FABP6: variants seen among roughly 807,000 people sequenced by gnomAD.
FABP6 encodes the protein gastrotropin.
FABP6 carries 13 observed loss-of-function variants against 14.9 expected under a neutral mutation model. The ratio of observed to expected loss-of-function variants is 0.87; its 90% CI spans 0.57 to 1.39. The LOEUF (loss-of-function observed/expected upper bound fraction) is 1.39, where lower values mean the gene tolerates loss of function less well. Ranked by LOEUF, FABP6 falls within the 40% of genes most tolerant of loss-of-function variation. FABP6 has a pLI of 0.00. For missense variants in FABP6, 161 were observed against 167.2 expected, an observed-to-expected ratio of 0.96 and a Z score of 0.20; for synonymous variants, 75 against 63.6, an observed-to-expected ratio of 1.18 and a Z score of -0.85.
chr5:160,209,697 G>T (rs1038447099), intron 2 of FABP6, among the ~76,000 whole-genome samples: 1 of 146,430 alleles, frequency 6.8e-6, no homozygotes, highest in Non-Finnish European at 1.6e-5. Context: ...ATAAATCATC[G>T]TCTTTTTTGT....
At chr5:160,232,348 G>C in intron 2 of FABP6, 75 bp downstream of exon 2, 1 of 1,414,690 alleles carries the variant, frequency 7.1e-7, no homozygotes, top group African/African-American at 1.4e-5. Flanking sequence ...TGGCCTCCCC[G>C]CTCCCGAGCT....
chr5:160,235,883 C>T (rs895555171), intron 3 of FABP6, among the ~76,000 whole-genome samples: 1 of 152,156 alleles, frequency 6.6e-6, no homozygotes, highest in Non-Finnish European at 1.5e-5. Flanking sequence ...ATGATTTACA[C>T]CACAGACACT....
intron 3 of FABP6, among the ~76,000 whole-genome samples, chr5:160,217,373 A>C (rs1760033976): frequency 1.3e-5 from 2 of 152,248 alleles, no homozygotes; most frequent in Admixed American, 1.3e-4. Flanking sequence ...GAAATCACCA[A>C]GGGAATGAGG....
At position 160,209,820 on chromosome 5, in the gene FABP6, G is replaced by T. The variant is rs1298777586; in HGVS notation, c.52-3916G>T. On this transcript the variant is annotated intron_variant, in intron 2 of 6. Coordinates refer to the FABP6 transcript ENST00000393980. ...CCAGCCTTGGCCTCTCAAAGTGCTG[G>T]GAGTACAGGCATGAGCCACTGCGTC... 3.3e-5 allele frequency among the ~76,000 whole-genome samples: 5 copies of T among 152,102 alleles called. No individual in the cohort carries two copies. The East Asian group carries it at 9.6e-4, about 29-fold the overall frequency.
intron 1 of FABP6, among the ~76,000 whole-genome samples, chr5:160,192,322 C>T (rs139152348): frequency 0.021 from 984 of 47,086 alleles, 10 homozygotes; most frequent in African/African-American, 0.082. Context: ...CCACTGTGCC[C>T]GGCCTCGCCA....
chr5:160,227,441 C>T (rs370601861), upstream of FABP6, among the ~76,000 whole-genome samples: 6 of 148,706 alleles, frequency 4.0e-5, no homozygotes, highest in South Asian at 2.1e-4. Context: ...GCAGGAGAAT[C>T]GCTTAAACCT....
intron 3 of FABP6, among the ~76,000 whole-genome samples, chr5:160,219,682 C>T (rs6868909): frequency 0.9 from 137,584 of 152,126 alleles, 62,318 homozygotes; most frequent in Non-Finnish European, 0.92. Context: ...AGAGTAGCAA[C>T]TAAGGAAAAA....
At chr5:160,199,603 ACTTCCTCTCTGTCTTGCCATTCCTGT>A (rs975078269) in intron 2 of FABP6, among the ~76,000 whole-genome samples, 6 of 151,902 alleles carry the variant, frequency 3.9e-5, no homozygotes, top group Non-Finnish European at 7.4e-5. Context: ...GAGGCCTCGC[ACTTCCTCTCTGTCTTGCCATTCCTGT>A]CTCCCTCTCT....
chr5:160,212,026 C>T (rs181406927), intron 2 of FABP6, among the ~76,000 whole-genome samples: 3 of 144,318 alleles, frequency 2.1e-5, no homozygotes, highest in African/African-American at 5.2e-5. Flanking sequence ...TCCCTCTTAT[C>T]GCCCAGGCTG....
intron 2 of FABP6, among the ~76,000 whole-genome samples, chr5:160,211,975 T>C (rs1364228812): frequency 5.0e-5 from 7 of 140,070 alleles, no homozygotes. Context: ...TGCCTTCCTA[T>C]GCAAGTTCTT....
chr5:160,223,275 T>C (rs1234436532), intron 3 of FABP6, among the ~76,000 whole-genome samples: 1 of 152,048 alleles, frequency 6.6e-6, no homozygotes, highest in Admixed American at 6.6e-5. Context: ...GATGTTACCA[T>C]TGTAATTGTT....
At chr5:160,213,784 G>C (rs754858168) in exon 3 of FABP6, 2 of 1,613,878 alleles carry the variant, frequency 1.2e-6, no homozygotes, top group Non-Finnish European at 1.7e-6. Context: ...CCGGAAAGGA[G>C]ACCTGCAGAG....
intron 3 of FABP6, among the ~76,000 whole-genome samples, chr5:160,214,152 T>TTTCTTTCTTTCTTTTTCTTTCA (rs755078967): frequency 1.6e-5 from 2 of 129,010 alleles, no homozygotes; most frequent in African/African-American, 3.0e-5. Context: ...TCTTTCTTTC[T>TTTCTTTCTTTCTTTTTCTTTCA]TTCTTTCCTT....
intron 2 of FABP6, among the ~76,000 whole-genome samples, chr5:160,204,496 T>TG (rs1759716701): frequency 9.2e-5 from 14 of 151,418 alleles, no homozygotes; most frequent in East Asian, 3.9e-4. Flanking sequence ...TTTCCTTTTT[T>TG]AGGGGGGGTG....
Position 160,193,397 on chromosome 5 carries a change from G to C in FABP6, c.-58-5652G>C, listed in dbSNP as rs538592630. ...GAGCAGTAGCAAGATTTATTGCAAA[G>C]AGCAAAAGAACAAGGCTTCCACAGT... On this transcript the variant is annotated intron_variant, in intron 1 of 6. Coordinates refer to the FABP6 transcript ENST00000393980. 5.3e-5 allele frequency among the ~76,000 whole-genome samples: 8 copies of C among 152,236 alleles called. No homozygotes were observed. In the East Asian group the frequency reaches 1.5e-3, roughly 29 times the overall value.
chr5:160,206,469 A>G (rs1323148707), intron 2 of FABP6, among the ~76,000 whole-genome samples: 1 of 152,084 alleles, frequency 6.6e-6, no homozygotes, highest in Non-Finnish European at 1.5e-5. Flanking sequence ...AATATTCTAC[A>G]TGTATCCACA....
intron 3 of FABP6, among the ~76,000 whole-genome samples, chr5:160,218,769 T>TC (rs1220373921): frequency 6.6e-6 from 1 of 151,600 alleles, no homozygotes; most frequent in African/African-American, 2.4e-5. Flanking sequence ...CCTTTTTTTT[T>TC]TTTTTATGAG....
At chr5:160,203,283 C>T (rs1759685595) in intron 2 of FABP6, among the ~76,000 whole-genome samples, 1 of 152,212 alleles carries the variant, frequency 6.6e-6, no homozygotes, top group African/African-American at 2.4e-5. Context: ...TTCAAAGTTA[C>T]ATTCCTTGTA....
chr5:160,222,946 A>G (rs1453336664), intron 3 of FABP6, among the ~76,000 whole-genome samples: 1 of 152,202 alleles, frequency 6.6e-6, no homozygotes. Context: ...ACTTCACTTG[A>G]CTGTAGTTCA....
Sources: allele counts gnomAD v4.1 joint callset (sites outside exome capture counted in the v4.1 genomes callset), GRCh38; gene constraint gnomAD v4.1.1; transcripts MANE v1.5; gene names NCBI Gene and HGNC (gene_info 2026-07-23, HGNC 2026-07-21).